The following ZDHHC14 variants were observed in gnomAD, a reference collection of about 807,000 sequenced individuals.
ZDHHC14 encodes palmitoyltransferase ZDHHC14.
Under a neutral mutation model 47.7 loss-of-function variants are expected in ZDHHC14, and 16 were observed. The observed-to-expected ratio is 0.34, with a 90% confidence interval of 0.23 to 0.51. ZDHHC14 has a LOEUF of 0.51. ZDHHC14 is among the 20% of genes least tolerant of loss of function. The pLI is 0.97. For missense variants in ZDHHC14, 515 were observed against 662.5 expected, an observed-to-expected ratio of 0.78 and a Z score of 2.44; for synonymous variants, 293 against 278.9, an observed-to-expected ratio of 1.05 and a Z score of -0.50.
intron 1 of ZDHHC14, among the ~76,000 whole-genome samples, chr6:157,450,576 A>G (rs2114802138): frequency 6.6e-6 from 1 of 152,218 alleles, no homozygotes; most frequent in East Asian, 1.9e-4. Flanking sequence ...TTTGTTTGGA[A>G]TGTTTTCTTT....
At chr6:157,384,684 T>G (rs1424392492) in intron 1 of ZDHHC14, among the ~76,000 whole-genome samples, 1 of 152,242 alleles carries the variant, frequency 6.6e-6, no homozygotes, top group East Asian at 1.9e-4. Context: ...ATGGTTTAGC[T>G]GAGAATATTT....
At chr6:157,479,274 A>G (rs886364296) in intron 1 of ZDHHC14, among the ~76,000 whole-genome samples, 1 of 152,272 alleles carries the variant, frequency 6.6e-6, no homozygotes, top group Non-Finnish European at 1.5e-5. Flanking sequence ...ACACAGATAT[A>G]TAAATGTCTT....
At chr6:157,636,606 A>T (rs950159979) in intron 5 of ZDHHC14, among the ~76,000 whole-genome samples, 7 of 152,104 alleles carry the variant, frequency 4.6e-5, no homozygotes, top group African/African-American at 1.7e-4. Context: ...ACTTAACTTT[A>T]AACCCAGAAT....
chr6:157,653,839 G>A (rs566767841), intron 8 of ZDHHC14, among the ~76,000 whole-genome samples: 18 of 152,310 alleles, frequency 1.2e-4, no homozygotes, highest in African/African-American at 4.3e-4. Flanking sequence ...TGGTGTGCTT[G>A]TTCACAGTTG....
At chr6:157,597,964 T>C (rs1784197474) in intron 3 of ZDHHC14, among the ~76,000 whole-genome samples, 1 of 152,240 alleles carries the variant, frequency 6.6e-6, no homozygotes, top group African/African-American at 2.4e-5. Flanking sequence ...AGGCTCTCTT[T>C]CTCATTCCCT....
intron 1 of ZDHHC14, among the ~76,000 whole-genome samples, chr6:157,383,311 A>G (rs899845427): frequency 6.6e-5 from 10 of 152,262 alleles, no homozygotes; most frequent in African/African-American, 2.2e-4. Context: ...AAAGCAATAT[A>G]TTTATAGGGA....
intron 2 of ZDHHC14, among the ~76,000 whole-genome samples, chr6:157,568,136 C>A (rs548619511): frequency 1.3e-5 from 2 of 152,294 alleles, no homozygotes; most frequent in Admixed American, 1.3e-4. Flanking sequence ...AGAAATACTT[C>A]ATTGACATCT....
chr6:157,632,639 A>G, intron 4 of ZDHHC14, 195 bp from the exon 5 acceptor site: 1 of 636,040 alleles, frequency 1.6e-6, no homozygotes, highest in East Asian at 2.6e-5. Flanking sequence ...GGGCCTAATT[A>G]TGAATCCTCC....
At chr6:157,638,076 G>T (rs1468345793) in intron 5 of ZDHHC14, among the ~76,000 whole-genome samples, 1 of 152,136 alleles carries the variant, frequency 6.6e-6, no homozygotes, top group Non-Finnish European at 1.5e-5. Flanking sequence ...CAGCCCAGGG[G>T]GAGAGGGAGG....
chr6:157,570,516 A>G (rs2114855919), intron 2 of ZDHHC14, among the ~76,000 whole-genome samples: 1 of 152,360 alleles, frequency 6.6e-6, no homozygotes, highest in Non-Finnish European at 1.5e-5. Context: ...CTTTGACACA[A>G]TTTGAGGGAA....
intron 1 of ZDHHC14, among the ~76,000 whole-genome samples, chr6:157,490,946 G>A (rs1195754551): frequency 6.6e-6 from 1 of 152,146 alleles, no homozygotes; most frequent in Non-Finnish European, 1.5e-5. Context: ...TTGCATATAA[G>A]AGAATCAAAG....
chr6:157,383,387 C>T (rs1444010447), intron 1 of ZDHHC14, among the ~76,000 whole-genome samples: 4 of 152,240 alleles, frequency 2.6e-5, no homozygotes, highest in African/African-American at 9.6e-5. Flanking sequence ...TCTCCGCCTC[C>T]TCCTGTTGGG....
At chr6:157,399,459 G>A (rs1228272527) in intron 1 of ZDHHC14, among the ~76,000 whole-genome samples, 4 of 152,182 alleles carry the variant, frequency 2.6e-5, no homozygotes, top group African/African-American at 4.8e-5. Context: ...CCCTGTCTTC[G>A]GGCGGGCTTA....
intron 8 of ZDHHC14, among the ~76,000 whole-genome samples, chr6:157,661,685 C>T (rs900397010): frequency 5.3e-5 from 8 of 152,114 alleles, no homozygotes; most frequent in African/African-American, 1.7e-4. Flanking sequence ...TCACTTAATC[C>T]CAAGAGCCTT....
intron 1 of ZDHHC14, among the ~76,000 whole-genome samples, chr6:157,449,279 T>C (rs1778748655): frequency 1.3e-5 from 2 of 152,210 alleles, no homozygotes; most frequent in South Asian, 4.1e-4. Context: ...CAAACATAGG[T>C]TGACCTGAAG....
intron 1 of ZDHHC14, among the ~76,000 whole-genome samples, chr6:157,420,609 C>T (rs1415843959): frequency 6.6e-6 from 1 of 152,154 alleles, no homozygotes; most frequent in Non-Finnish European, 1.5e-5. Context: ...TGGGCCATTA[C>T]CAGTGCGACT....
chr6:157,405,357 C>A (rs1777731645), intron 1 of ZDHHC14, among the ~76,000 whole-genome samples: 2 of 152,164 alleles, frequency 1.3e-5, no homozygotes, highest in African/African-American at 4.8e-5. Context: ...CTCAGCCTCC[C>A]AAGTAGCTGG....
intron 1 of ZDHHC14, among the ~76,000 whole-genome samples, chr6:157,472,192 A>T (rs761850457): frequency 6.6e-6 from 1 of 152,048 alleles, no homozygotes; most frequent in African/African-American, 2.4e-5. Flanking sequence ...CGTGGTGGCT[A>T]TTAGGGGCTG....
intron 1 of ZDHHC14, among the ~76,000 whole-genome samples, chr6:157,453,764 T>C (rs1188275709): frequency 6.7e-6 from 1 of 150,160 alleles, no homozygotes; most frequent in Non-Finnish European, 1.5e-5. Flanking sequence ...TTTTATTCAT[T>C]CTAAGGCCAT....
Sources: allele counts gnomAD v4.1 joint callset (sites outside exome capture counted in the v4.1 genomes callset), GRCh38; gene constraint gnomAD v4.1.1; transcripts MANE v1.5; gene names NCBI Gene and HGNC (gene_info 2026-07-23, HGNC 2026-07-21).